The following FAM153A variants were observed in gnomAD, a reference collection of about 807,000 sequenced individuals.
FAM153A encodes the protein family with sequence similarity 153 member A.
In FAM153A, 12 loss-of-function variants were observed where a neutral mutation model predicts 48.1. That is an observed-to-expected ratio of 0.25 (90% CI 0.16 to 0.40). The LOEUF (loss-of-function observed/expected upper bound fraction) is 0.40, where lower values mean the gene tolerates loss of function less well. Among genes scored for constraint, FAM153A ranks in the 10% least tolerant of loss-of-function variants. The pLI, the probability that FAM153A is intolerant of heterozygous loss-of-function variation, is 1.00. For synonymous variants in FAM153A, 36 were observed against 118.2 expected (o/e 0.30, Z 4.51); for missense variants, 111 against 345.8 (o/e 0.32, Z 5.38).
At chr5:177,728,570 T>C (rs1240418503) in intron 18 of FAM153A, among the ~76,000 whole-genome samples, 2 of 143,258 alleles carry the variant, frequency 1.4e-5, no homozygotes, top group East Asian at 2.0e-4. Flanking sequence ...TTTTTGTTTG[T>C]TTTTGTTTTT....
downstream of FAM153A, among the ~76,000 whole-genome samples, chr5:177,717,601 T>C (rs541874759): frequency 6.0e-5 from 9 of 149,950 alleles, no homozygotes; most frequent in East Asian, 3.9e-4. Context: ...AGATGTCCAG[T>C]TGACACTATC....
chr5:177,702,151 A>G, the FAM153A span, among the ~76,000 whole-genome samples: 4 of 151,808 alleles, frequency 2.6e-5, no homozygotes, highest in African/African-American at 9.7e-5. Context: ...CTCGTGATCC[A>G]CCTGCCTCGG....
downstream of FAM153A, among the ~76,000 whole-genome samples, chr5:177,710,596 A>G (rs934935058): frequency 2.0e-5 from 3 of 148,760 alleles, no homozygotes; most frequent in African/African-American, 7.5e-5. Flanking sequence ...TTGTTATTCA[A>G]ATAAATATTT....
downstream of FAM153A, chr5:177,706,852 T>A (rs1280814902): frequency 6.6e-6 from 1 of 151,826 alleles, no homozygotes; most frequent in East Asian, 1.9e-4. Flanking sequence ...TGAGATTCAA[T>A]GAAGATGATA....
intron 1 of FAM153A, among the ~76,000 whole-genome samples, chr5:177,752,730 C>A (rs1406665599): frequency 7.5e-6 from 1 of 132,686 alleles, no homozygotes; most frequent in Non-Finnish European, 1.6e-5. Flanking sequence ...GAGTTCAAGA[C>A]CTCCCTTGCC....
At chr5:177,760,192 C>T (rs371697155) in intron 1 of FAM153A, among the ~76,000 whole-genome samples, 1 of 147,176 alleles carries the variant, frequency 6.8e-6, no homozygotes, top group African/African-American at 2.6e-5. Context: ...TAAAAAATAC[C>T]AGACCACAGA....
chr5:177,708,937 AC>A (rs1758099403), downstream of FAM153A, among the ~76,000 whole-genome samples: 1 of 151,044 alleles, frequency 6.6e-6, no homozygotes, highest in Non-Finnish European at 1.5e-5. Flanking sequence ...TACTAAAAAC[AC>A]AAAAAAATTA....
upstream of FAM153A, chr5:177,782,088 A>G (rs1479299194): frequency 3.6e-3 from 382 of 105,936 alleles, 1 homozygote; most frequent in South Asian, 7.1e-3. Context: ...CCTATAATGT[A>G]TATAACACCA....
chr5:177,719,571 T>C (rs1419948057), downstream of FAM153A, among the ~76,000 whole-genome samples: 2 of 147,280 alleles, frequency 1.4e-5, no homozygotes, highest in East Asian at 4.0e-4. Context: ...CTGGCTTTTA[T>C]TTATTTATTT....
chr5:177,755,847 G>T (rs1767672826), upstream of FAM153A, among the ~76,000 whole-genome samples: 2 of 149,704 alleles, frequency 1.3e-5, no homozygotes, highest in East Asian at 3.9e-4. Context: ...ACTAAATATG[G>T]AAAGGAACAA....
chr5:177,696,711 G>A, the FAM153A span, among the ~76,000 whole-genome samples: 7 of 150,742 alleles, frequency 4.6e-5, no homozygotes, highest in East Asian at 1.4e-3. Flanking sequence ...CTGTTGCCTA[G>A]GCTGGAGTAC....
At chr5:177,716,904 T>C (rs1759924996) in intron 24 of FAM153A, among the ~76,000 whole-genome samples, 1 of 151,178 alleles carries the variant, frequency 6.6e-6, no homozygotes, top group Non-Finnish European at 1.5e-5. Flanking sequence ...GTCCAAATGA[T>C]CCTCCAACCT....
At chr5:177,737,222 A>C in intron 10 of FAM153A, 110 bp from the exon 13 acceptor site, 1 of 1,578,326 alleles carries the variant, frequency 6.3e-7, no homozygotes. Context: ...TGTTCACAGC[A>C]CAGACTCAGC....
chr5:177,706,061 C>G (rs1010831086), downstream of FAM153A, among the ~76,000 whole-genome samples: 6 of 151,806 alleles, frequency 4.0e-5, no homozygotes, highest in African/African-American at 1.5e-4. Context: ...CCAAATTAAT[C>G]TATAGATTCC....
chr5:177,705,658 CTTTTTTTTTTTTTT>C (rs70994931), downstream of FAM153A, among the ~76,000 whole-genome samples: 1 of 79,822 alleles, frequency 1.3e-5, no homozygotes, highest in African/African-American at 4.0e-5. Flanking sequence ...TTTTCTTTTT[CTTTTTTTTTTTTTT>C]TTTTTTGAGA....
upstream of FAM153A, among the ~76,000 whole-genome samples, chr5:177,754,037 G>C (rs936474527): frequency 2.6e-5 from 4 of 151,910 alleles, no homozygotes; most frequent in African/African-American, 9.7e-5. Context: ...GCAGGGCAAG[G>C]CATTGCCTCA....
chr5:177,735,003 G>C, intron 12 of FAM153A, 70 bp from the exon 15 acceptor site: 1 of 1,111,458 alleles, frequency 9.0e-7, no homozygotes, highest in Middle Eastern at 2.9e-4. Flanking sequence ...AACACTGCTT[G>C]AGGTGGGTTT....
At chr5:177,704,655 G>C (rs111867608), downstream of FAM153A, among the ~76,000 whole-genome samples, 944 of 151,748 alleles carry the variant, frequency 6.2e-3, 30 homozygotes, top group African/African-American at 0.021. Flanking sequence ...CACTATCCCC[G>C]TGGTGCTGTT....
At chr5:177,703,576 A>AT (rs1412686180), downstream of FAM153A, among the ~76,000 whole-genome samples, 25 of 148,964 alleles carry the variant, frequency 1.7e-4, no homozygotes, top group Admixed American at 7.4e-4. Flanking sequence ...GGGGACTGTC[A>AT]AATTGTAATC....
Sources: gnomAD v4.1 joint callset for allele counts (sites outside exome capture counted in the v4.1 genomes callset) on GRCh38, gnomAD v4.1.1 for gene constraint, MANE v1.5 for transcripts, NCBI Gene and HGNC (gene_info 2026-07-23, HGNC 2026-07-21) for gene names.